SNTG1: variants seen among roughly 807,000 people sequenced by gnomAD.
The protein encoded by SNTG1 is syntrophin gamma 1.
In SNTG1, 39 loss-of-function variants were observed where a neutral mutation model predicts 74.7. The observed-to-expected ratio is 0.52, with a 90% confidence interval of 0.40 to 0.68. The LOEUF (loss-of-function observed/expected upper bound fraction) is 0.68. SNTG1 is among the 30% of genes least tolerant of loss of function. The pLI, the probability that SNTG1 is intolerant of heterozygous loss-of-function variation, is 0.00. For synonymous variants in SNTG1, 254 were observed against 217.1 expected (o/e 1.17, Z -1.49); for missense variants, 685 against 609.5 (o/e 1.12, Z -1.30).
intron 2 of SNTG1, among the ~76,000 whole-genome samples, chr8:50,185,911 G>T (rs1478333617): frequency 6.6e-6 from 1 of 151,606 alleles, no homozygotes; most frequent in East Asian, 1.9e-4. Flanking sequence ...CATGTGCCAT[G>T]GTGGTTTGTT....
intron 13 of SNTG1, among the ~76,000 whole-genome samples, chr8:50,601,782 A>T (rs1585813048): frequency 6.6e-6 from 1 of 152,142 alleles, no homozygotes; most frequent in East Asian, 1.9e-4. Context: ...AATAATATTT[A>T]CTTTCTATAT....
In SNTG1 at chr8:50,793,046, C is replaced by A; in HGVS notation, c.*217C>A. ...ACATGAACAGAACAGCTTGTTCTCA[C>A]TCAGTTGCTTTGTACCAGTAAGTGT... On this transcript the variant is annotated 3_prime_UTR_variant, in exon 19 of 19. Coordinates refer to ENST00000642720, the MANE Select transcript of SNTG1 (RefSeq NM_018967.5). The A allele has an allele frequency of 2.6e-6, 1 of 386,070 alleles. No individual in the cohort carries two copies. The allele number at this position is 386,070 out of a possible 1,614,324, so 23.9% of individuals were successfully genotyped here. A position where few individuals can be genotyped will look rare whatever the true frequency, so the allele number is the denominator to read the frequency against.
At chr8:50,200,198 A>G (rs911305052) in intron 2 of SNTG1, among the ~76,000 whole-genome samples, 3 of 152,178 alleles carry the variant, frequency 2.0e-5, no homozygotes, top group African/African-American at 7.2e-5. Context: ...AATTCCCGTT[A>G]GTATCTCCAC....
intron 1 of SNTG1, among the ~76,000 whole-genome samples, chr8:50,110,997 A>C (rs1281590681): frequency 2.0e-5 from 3 of 152,288 alleles, no homozygotes; most frequent in South Asian, 2.1e-4. Context: ...GGTATCATTT[A>C]TTTAACTTTC....
chr8:50,694,271 C>T (rs944817159), intron 15 of SNTG1, among the ~76,000 whole-genome samples: 4 of 151,280 alleles, frequency 2.6e-5, no homozygotes, highest in African/African-American at 9.7e-5. Context: ...CATCTGATAC[C>T]ACAGAAATAC....
At chr8:50,504,739 T>C (rs995688218) in intron 9 of SNTG1, among the ~76,000 whole-genome samples, 2 of 152,168 alleles carry the variant, frequency 1.3e-5, no homozygotes, top group Non-Finnish European at 2.9e-5. Context: ...AGGCTGAGGA[T>C]GCAGTGAGCT....
At chr8:50,415,184 A>G (rs917680757) in intron 4 of SNTG1, among the ~76,000 whole-genome samples, 5 of 152,180 alleles carry the variant, frequency 3.3e-5, no homozygotes, top group Non-Finnish European at 2.9e-5. Context: ...GAGTTTCATT[A>G]TTATTGCTTT....
intron 1 of SNTG1, among the ~76,000 whole-genome samples, chr8:50,018,051 CATCA>C (rs1361655250): frequency 6.6e-6 from 1 of 151,840 alleles, no homozygotes; most frequent in African/African-American, 2.4e-5. Context: ...AATCCATGTC[CATCA>C]ATCATAAGAC....
chr8:50,002,521 A>C (rs1033641410), intron 1 of SNTG1, among the ~76,000 whole-genome samples: 1 of 152,160 alleles, frequency 6.6e-6, no homozygotes, highest in African/African-American at 2.4e-5. Flanking sequence ...GCACAATTTT[A>C]ATATTTTATT....
chr8:50,324,570 T>G (rs535411327), intron 2 of SNTG1, among the ~76,000 whole-genome samples: 30 of 152,298 alleles, frequency 2.0e-4, no homozygotes, highest in African/African-American at 7.0e-4. Flanking sequence ...CCTCTTGCTC[T>G]GCCCCCAAAT....
rs554261380 is a variant in SNTG1, at chr8:50,213,715, C to T, written c.-28+41080C>T. ...CATTTTTTCATGTGTTTTTTGGCTG[C>T]ATAAATGTCTTCTTTTGAGAAGTGT... On this transcript the variant is annotated intron_variant, in intron 2 of 18. Coordinates refer to ENST00000642720, the MANE Select transcript of SNTG1 (RefSeq NM_018967.5). Among the ~76,000 whole-genome samples, 5 of 151,956 alleles carry T rather than the reference C, an allele frequency of 3.3e-5. No homozygotes were observed. The East Asian group carries it at 9.7e-4, about 29-fold the overall frequency.
chr8:50,393,270 C>G (rs1016886082), intron 2 of SNTG1, among the ~76,000 whole-genome samples: 2 of 152,038 alleles, frequency 1.3e-5, no homozygotes, highest in Non-Finnish European at 2.9e-5. Context: ...GGTGATACCT[C>G]CTACTCTGTT....
At chr8:50,227,859 A>G (rs911456602) in intron 2 of SNTG1, among the ~76,000 whole-genome samples, 1 of 150,978 alleles carries the variant, frequency 6.6e-6, no homozygotes, top group East Asian at 1.9e-4. Context: ...GGTCTATTTC[A>G]TCTTTAGTTT....
intron 11 of SNTG1, among the ~76,000 whole-genome samples, chr8:50,543,085 A>G (rs750839027): frequency 4.6e-5 from 7 of 151,956 alleles, no homozygotes; most frequent in Non-Finnish European, 1.0e-4. Flanking sequence ...TTTTAGTTTG[A>G]TGTAATAACA....
intron 8 of SNTG1, among the ~76,000 whole-genome samples, chr8:50,482,863 G>A (rs147576237): frequency 6.6e-6 from 1 of 152,166 alleles, no homozygotes; most frequent in Non-Finnish European, 1.5e-5. Context: ...AGGAGAGTTG[G>A]TATGATGCTG....
intron 18 of SNTG1, among the ~76,000 whole-genome samples, chr8:50,760,820 G>A (rs759112699): frequency 4.6e-5 from 7 of 151,866 alleles, no homozygotes; most frequent in African/African-American, 7.2e-5. Flanking sequence ...AAGTCTAAAC[G>A]AGGAAGAAGT....
chr8:50,775,219 C>T (rs1174822509), intron 18 of SNTG1, among the ~76,000 whole-genome samples: 1 of 151,384 alleles, frequency 6.6e-6, no homozygotes, highest in African/African-American at 2.4e-5. Flanking sequence ...ATATGATGTT[C>T]TCATGAGAAC....
At chr8:50,228,407 T>C (rs2085451031) in intron 2 of SNTG1, among the ~76,000 whole-genome samples, 1 of 151,842 alleles carries the variant, frequency 6.6e-6, no homozygotes, top group Non-Finnish European at 1.5e-5. Context: ...TAGTGACAGA[T>C]ACCAAACCAC....
chr8:49,913,336 C>T (rs1221951762), intron 1 of SNTG1, among the ~76,000 whole-genome samples: 1 of 152,202 alleles, frequency 6.6e-6, no homozygotes, highest in Non-Finnish European at 1.5e-5. Flanking sequence ...TTTAATTTCA[C>T]TGGTTGTGTG....
Sources: gnomAD v4.1 joint callset for allele counts (sites outside exome capture counted in the v4.1 genomes callset) on GRCh38, gnomAD v4.1.1 for gene constraint, MANE v1.5 for transcripts, NCBI Gene and HGNC (gene_info 2026-07-23, HGNC 2026-07-21) for gene names.